Variants in PPP1R2 observed in about 807,000 individuals in gnomAD.
The protein encoded by PPP1R2 is protein phosphatase 1 regulatory inhibitor subunit 2, also known as protein phosphatase inhibitor 2.
A neutral mutation model predicts 29.9 loss-of-function variants in PPP1R2; 16 were observed. That is an observed-to-expected ratio of 0.53 (90% confidence interval 0.36 to 0.81). The LOEUF (loss-of-function observed/expected upper bound fraction) is 0.81, where lower values mean the gene tolerates loss of function less well. Ranked by LOEUF, PPP1R2 falls within the 30% of genes least tolerant of loss-of-function variation. The probability of loss-of-function intolerance (pLI) is 0.00; values close to 1 mark genes in which losing one functional copy is unlikely to be tolerated. For missense variants in PPP1R2, 197 were observed against 252.7 expected, an observed-to-expected ratio of 0.78 and a Z score of 1.49; for synonymous variants, 76 against 91.5, an observed-to-expected ratio of 0.83 and a Z score of 0.96.
At chr3:195,525,199 ATTTCCTC>A (rs1718919031) in intron 2 of PPP1R2, among the ~76,000 whole-genome samples, 1 of 152,150 alleles carries the variant, frequency 6.6e-6, no homozygotes, top group South Asian at 2.1e-4. Context: ...GAAAAGTAAA[ATTTCCTC>A]TGTACTAAAC....
At chr3:195,522,298 T>A (rs1026344045) in intron 4 of PPP1R2, among the ~76,000 whole-genome samples, 1 of 152,254 alleles carries the variant, frequency 6.6e-6, no homozygotes, top group Non-Finnish European at 1.5e-5. Flanking sequence ...TTAATTGTTA[T>A]GCTGTGAGTT....
intron 1 of PPP1R2, among the ~76,000 whole-genome samples, chr3:195,530,601 C>A (rs2108947719): frequency 6.6e-6 from 1 of 152,262 alleles, no homozygotes; most frequent in Non-Finnish European, 1.5e-5. Flanking sequence ...TCTCGGCTCA[C>A]TGCAACTTCC....
intron 1 of PPP1R2, 33 bp downstream of exon 1, chr3:195,542,871 A>C: frequency 6.3e-7 from 1 of 1,581,184 alleles, no homozygotes; most frequent in Non-Finnish European, 8.6e-7. Context: ...GGCGGGAAGG[A>C]GGGGCTCCCA....
chr3:195,525,325 A>G (rs896261673), intron 2 of PPP1R2, among the ~76,000 whole-genome samples: 2 of 152,232 alleles, frequency 1.3e-5, no homozygotes, highest in African/African-American at 4.8e-5. Flanking sequence ...AGATGATTTA[A>G]CACATACAGG....
intron 1 of PPP1R2, among the ~76,000 whole-genome samples, chr3:195,540,431 T>C (rs1158991540): frequency 6.6e-6 from 1 of 152,194 alleles, no homozygotes; most frequent in African/African-American, 2.4e-5. Context: ...CAACTGTATA[T>C]TTATTGTTTC....
At chr3:195,522,025 A>C (rs936884047) in intron 4 of PPP1R2, among the ~76,000 whole-genome samples, 2 of 152,182 alleles carry the variant, frequency 1.3e-5, no homozygotes, top group Non-Finnish European at 2.9e-5. Flanking sequence ...ACAACAAGTG[A>C]ATTATTCTTT....
At chr3:195,521,123 G>C (rs1718741191) in intron 4 of PPP1R2, among the ~76,000 whole-genome samples, 1 of 151,786 alleles carries the variant, frequency 6.6e-6, no homozygotes, top group Non-Finnish European at 1.5e-5. Context: ...AGAACATCCT[G>C]GCTAACATGG....
At chr3:195,536,817 GACGACAACTGA>G (rs1282802096) in intron 1 of PPP1R2, among the ~76,000 whole-genome samples, 7 of 145,152 alleles carry the variant, frequency 4.8e-5, no homozygotes, top group Non-Finnish European at 7.5e-5. Flanking sequence ...AAAAGACAAC[GACGACAACTGA>G]TCATCGTTGC....
intron 4 of PPP1R2, chr3:195,522,998 C>T (rs1181094128): frequency 6.6e-6 from 1 of 152,188 alleles, no homozygotes; most frequent in Non-Finnish European, 1.5e-5. Flanking sequence ...AATTTTTTAA[C>T]TCCTGAGAAG....
At chr3:195,528,159 C>T (rs891566737) in intron 2 of PPP1R2, among the ~76,000 whole-genome samples, 3 of 152,082 alleles carry the variant, frequency 2.0e-5, no homozygotes, top group South Asian at 2.1e-4. Flanking sequence ...CTCACCCCTC[C>T]CATCCCCAAA....
intron 1 of PPP1R2, among the ~76,000 whole-genome samples, chr3:195,537,096 A>C (rs1010945363): frequency 2.6e-5 from 4 of 151,994 alleles, no homozygotes; most frequent in Non-Finnish European, 5.9e-5. Context: ...AATATGTATA[A>C]GCTATCAAAA....
intron 1 of PPP1R2, among the ~76,000 whole-genome samples, chr3:195,537,323 T>C (rs1719427661): frequency 6.6e-6 from 1 of 152,170 alleles, no homozygotes; most frequent in Non-Finnish European, 1.5e-5. Flanking sequence ...TGCTATTCAA[T>C]GCTGTTTTAA....
At chr3:195,518,519 C>T (rs999196026) in intron 5 of PPP1R2, among the ~76,000 whole-genome samples, 14 of 151,876 alleles carry the variant, frequency 9.2e-5, no homozygotes, top group African/African-American at 3.4e-4. Context: ...GGCGTGGTGG[C>T]AGGCGCCTGT....
chr3:195,537,943 T>C (rs1015047629), intron 1 of PPP1R2, among the ~76,000 whole-genome samples: 1 of 152,228 alleles, frequency 6.6e-6, no homozygotes, highest in African/African-American at 2.4e-5. Flanking sequence ...GGACACTGGA[T>C]ATGAAAGTCG....
rs775282333 is a variant in PPP1R2 at position 195,543,033 on chromosome 3, C to A, written c.-8G>T. ...GGCCGTCGAGGCCGCCATTGCCGGG[C>A]GCTCCGGCTGTCGGCTCAGGGTCGC... On this transcript the variant is annotated 5_prime_UTR_variant, in exon 1 of 6. Coordinates refer to ENST00000618156, the MANE Select transcript of PPP1R2 (RefSeq NM_006241.8). 5 of 1,597,854 alleles carry A rather than the reference C, an allele frequency of 3.1e-6. 1 individual carries two copies. In the South Asian group the frequency reaches 4.5e-5, roughly 14 times the overall value.
chr3:195,521,386 A>G (rs1262031819), intron 4 of PPP1R2, among the ~76,000 whole-genome samples: 2 of 151,650 alleles, frequency 1.3e-5, no homozygotes, highest in African/African-American at 4.8e-5. Context: ...ATGAACATAC[A>G]GTAAACATTC....
At chr3:195,524,774 T>C (rs766470656) in intron 3 of PPP1R2, 45 bp downstream of exon 3, 3 of 1,588,270 alleles carry the variant, frequency 1.9e-6, no homozygotes, top group African/African-American at 2.7e-5. Context: ...TCTGCACGAT[T>C]ATAAACAGCC....
rs1339489498 is a variant in PPP1R2 at position 195,523,724 on chromosome 3, T to C, written c.371A>G (p.Glu124Gly). The change falls in exon 4 of 6, where the codon GAG becomes GGG. Residue 124 changes from glutamate to glycine, a missense_variant. By Grantham distance (98) the Glu-to-Gly change is moderately conservative. Around this residue, in one of 3 missense-constraint regions of PPP1R2, gnomAD observed 135 missense variants for 163.0 expected, o/e 0.83. Coordinates refer to ENST00000618156, the MANE Select transcript of PPP1R2 (RefSeq NM_006241.8). ...YRIQEQESSGEEDSDLSPEER... is the reference protein window; with the variant it reads ...YRIQEQESSGGEDSDLSPEER... ...TTCAGGTGAGAGGTCACTATCCTCCTCTCCACTGCTTTCTTGTTCCTGAAT... is the reference window on the plus strand; with the variant it reads ...TTCAGGTGAGAGGTCACTATCCTCCCCTCCACTGCTTTCTTGTTCCTGAAT... The C allele has an allele frequency of 2.5e-6, 4 of 1,614,138 alleles. No homozygotes were observed. Among genetic ancestry groups the C allele is most frequent in the South Asian group, 1.1e-5 (1 of 91,062 alleles).
intron 2 of PPP1R2, among the ~76,000 whole-genome samples, chr3:195,526,971 C>T (rs1339218111): frequency 2.6e-5 from 4 of 151,950 alleles, no homozygotes; most frequent in African/African-American, 4.8e-5. Flanking sequence ...TCAGTAGAGA[C>T]GGGGTTTCAC....
Sources: gnomAD v4.1 joint callset for allele counts (sites outside exome capture counted in the v4.1 genomes callset) on GRCh38, gnomAD v4.1.1 for gene constraint, gnomAD v4.1.1 regional missense constraint, MANE v1.5 for transcripts, NCBI Gene and HGNC (gene_info 2026-07-23, HGNC 2026-07-21) for gene names.